Variants in GRIA2 observed in about 807,000 individuals in gnomAD.
GRIA2 encodes the protein glutamate ionotropic receptor AMPA type subunit 2.
In GRIA2, 14 loss-of-function variants were observed where a neutral mutation model predicts 97.3. That is an observed-to-expected ratio of 0.14 (90% CI 0.10 to 0.23). GRIA2 has a LOEUF of 0.23. Ranked by LOEUF, GRIA2 falls within the 10% of genes least tolerant of loss-of-function variation. The pLI is 1.00. For missense variants in GRIA2, 558 were observed against 1,069.8 expected, an observed-to-expected ratio of 0.52 and a Z score of 6.67; for synonymous variants, 412 against 387.8, an observed-to-expected ratio of 1.06 and a Z score of -0.73.
chr4:157,345,670 A>G (rs1735734175), intron 12 of GRIA2, among the ~76,000 whole-genome samples: 1 of 152,060 alleles, frequency 6.6e-6, no homozygotes, highest in African/African-American at 2.4e-5. Context: ...GGCCTGTCAA[A>G]CCACAAAGCA....
intron 2 of GRIA2, among the ~76,000 whole-genome samples, chr4:157,256,211 T>TTATATATAATATATAATATATAATATA (rs1491524186): frequency 4.1e-5 from 5 of 122,988 alleles, no homozygotes; most frequent in Non-Finnish European, 6.6e-5. Context: ...CATATATATG[T>TTATATATAATATATAATATATAATATA]TATATATAAT....
At chr4:157,228,239 A>T (rs764700943) in intron 2 of GRIA2, among the ~76,000 whole-genome samples, 3 of 152,184 alleles carry the variant, frequency 2.0e-5, no homozygotes, top group Non-Finnish European at 4.4e-5. Context: ...TTATCATAAC[A>T]TTATAATTTT....
intron 2 of GRIA2, among the ~76,000 whole-genome samples, chr4:157,275,549 G>C (rs1321687887): frequency 6.6e-6 from 1 of 152,084 alleles, no homozygotes; most frequent in Admixed American, 6.6e-5. Flanking sequence ...TTTTGTATAA[G>C]GTGTAAGGAA....
At chr4:157,329,646 AC>A (rs1350286829) in intron 6 of GRIA2, among the ~76,000 whole-genome samples, 2 of 151,944 alleles carry the variant, frequency 1.3e-5, no homozygotes, top group Non-Finnish European at 2.9e-5. Context: ...GTAAAAACAA[AC>A]TAGTTTTGCA....
intron 2 of GRIA2, among the ~76,000 whole-genome samples, chr4:157,246,675 C>T (rs1730746544): frequency 6.6e-6 from 1 of 152,036 alleles, no homozygotes; most frequent in South Asian, 2.1e-4. Context: ...GTGATGTACT[C>T]TGTAATATCA....
At chr4:157,231,153 G>A (rs557824523) in intron 2 of GRIA2, among the ~76,000 whole-genome samples, 14 of 151,806 alleles carry the variant, frequency 9.2e-5, no homozygotes, top group South Asian at 2.1e-4. Context: ...GTTTTCCTGC[G>A]TCAGCCTCCC....
At chr4:157,222,412 A>G (rs1245350045) in intron 2 of GRIA2, among the ~76,000 whole-genome samples, 1 of 152,094 alleles carries the variant, frequency 6.6e-6, no homozygotes, top group African/African-American at 2.4e-5. Flanking sequence ...GCTGTTACAT[A>G]ACGCCCACCC....
At chr4:157,244,111 T>C (rs1336583268) in intron 2 of GRIA2, among the ~76,000 whole-genome samples, 4 of 151,818 alleles carry the variant, frequency 2.6e-5, no homozygotes, top group Non-Finnish European at 5.9e-5. Flanking sequence ...GCTGGACATA[T>C]GAAGAGTTGG....
chr4:157,279,001 T>G (rs1052075646), intron 2 of GRIA2, among the ~76,000 whole-genome samples: 1 of 152,082 alleles, frequency 6.6e-6, no homozygotes, highest in Non-Finnish European at 1.5e-5. Context: ...CCATTTATTG[T>G]TGGTGGTAGT....
At chr4:157,333,007 G>A (rs763523654) in intron 7 of GRIA2, 21 bp downstream of exon 7, 33 of 1,564,056 alleles carry the variant, frequency 2.1e-5, no homozygotes, top group African/African-American at 4.1e-5. Flanking sequence ...CAAAATAATC[G>A]TTAACGTGAC....
At chr4:157,254,183 C>G (rs7694436) in intron 2 of GRIA2, among the ~76,000 whole-genome samples, 91 of 151,924 alleles carry the variant, frequency 6.0e-4, no homozygotes, top group African/African-American at 2.1e-3. Context: ...TTATATTAAT[C>G]TACCAATGAT....
intron 2 of GRIA2, 44 bp downstream of exon 2, chr4:157,221,851 G>A (rs1729510711): frequency 1.3e-6 from 2 of 1,590,468 alleles, no homozygotes; most frequent in Non-Finnish European, 1.7e-6. Flanking sequence ...GCACGCGGAA[G>A]GCCAGCGAGT....
intron 3 of GRIA2, among the ~76,000 whole-genome samples, chr4:157,311,773 A>G (rs577713334): frequency 1.3e-5 from 2 of 152,122 alleles, no homozygotes; most frequent in East Asian, 3.9e-4. Context: ...AGTATAAATG[A>G]TGAATTTGGT....
chr4:157,230,539 TTTCC>T (rs929902949), intron 2 of GRIA2, among the ~76,000 whole-genome samples: 11 of 140,920 alleles, frequency 7.8e-5, no homozygotes, highest in South Asian at 6.8e-4. Context: ...TCCTTCCTTC[TTTCC>T]TTCCTTCCTT....
At chr4:157,290,074 AAT>A (rs964636179) in intron 2 of GRIA2, among the ~76,000 whole-genome samples, 3 of 151,860 alleles carry the variant, frequency 2.0e-5, no homozygotes, top group Non-Finnish European at 4.4e-5. Flanking sequence ...CCTGGCACAT[AAT>A]TTTATATGTA....
chr4:157,273,595 C>A (rs747614377), intron 2 of GRIA2, among the ~76,000 whole-genome samples: 6 of 151,842 alleles, frequency 4.0e-5, no homozygotes, highest in Non-Finnish European at 7.4e-5. Flanking sequence ...ATAAAGAATA[C>A]CTTGAAAGGC....
chr4:157,312,933 C>A, intron 4 of GRIA2, 58 bp downstream of exon 4: 1 of 1,007,056 alleles, frequency 9.9e-7, no homozygotes, highest in Non-Finnish European at 1.5e-6. Flanking sequence ...GCAATGTCAG[C>A]ATTTGCAATG....
chr4:157,357,594 A>T (rs1358984604), intron 12 of GRIA2, among the ~76,000 whole-genome samples: 2 of 152,154 alleles, frequency 1.3e-5, no homozygotes, highest in Non-Finnish European at 2.9e-5. Context: ...CATGCTCCTC[A>T]TAAGAATATG....
At chr4:157,273,503 T>C (rs1169698905) in intron 2 of GRIA2, among the ~76,000 whole-genome samples, 2 of 152,026 alleles carry the variant, frequency 1.3e-5, no homozygotes, top group Non-Finnish European at 2.9e-5. Flanking sequence ...TATGCAGTTA[T>C]AGATGTATAA....
Sources: gnomAD v4.1 joint callset for allele counts (sites outside exome capture counted in the v4.1 genomes callset) on GRCh38, gnomAD v4.1.1 for gene constraint, MANE v1.5 for transcripts, NCBI Gene and HGNC (gene_info 2026-07-23, HGNC 2026-07-21) for gene names.